AGBL4: variants seen among roughly 807,000 people sequenced by gnomAD.
AGBL4 encodes AGBL carboxypeptidase 4.
Under a neutral mutation model 66.4 loss-of-function variants are expected in AGBL4, and 58 were observed. The ratio of observed to expected loss-of-function variants is 0.87; its 90% CI spans 0.71 to 1.09. The LOEUF is 1.09. Among genes scored for constraint, AGBL4 ranks in the 50% least tolerant of loss-of-function variants. The pLI is 0.00. For synonymous variants in AGBL4, 234 were observed against 222.9 expected (o/e 1.05, Z -0.44); for missense variants, 579 against 631.0 (o/e 0.92, Z 0.88).
At chr1:49,394,147 T>C (rs1266906682) in intron 3 of AGBL4, among the ~76,000 whole-genome samples, 1 of 151,964 alleles carries the variant, frequency 6.6e-6, no homozygotes, top group Middle Eastern at 3.2e-3. Flanking sequence ...CTCTGAGAAT[T>C]GCAGCTGAAA....
intron 6 of AGBL4, among the ~76,000 whole-genome samples, chr1:48,717,110 C>T (rs1016300481): frequency 6.6e-6 from 1 of 152,246 alleles, no homozygotes; most frequent in African/African-American, 2.4e-5. Context: ...CATCCCCACA[C>T]ACCCGGTACC....
At chr1:49,575,807 G>A (rs868155382) in intron 3 of AGBL4, among the ~76,000 whole-genome samples, 1 of 152,180 alleles carries the variant, frequency 6.6e-6, no homozygotes, top group Non-Finnish European at 1.5e-5. Flanking sequence ...TGCAAGGCCA[G>A]CAATATAACT....
intron 2 of AGBL4, among the ~76,000 whole-genome samples, chr1:49,745,371 A>G (rs1036137898): frequency 3.3e-5 from 5 of 151,708 alleles, no homozygotes; most frequent in Non-Finnish European, 5.9e-5. Context: ...AACTTTTATT[A>G]TATTATTACA....
At chr1:48,900,491 T>C (rs1651978213) in intron 5 of AGBL4, among the ~76,000 whole-genome samples, 2 of 152,238 alleles carry the variant, frequency 1.3e-5, no homozygotes, top group Non-Finnish European at 2.9e-5. Context: ...TAAAGACTTA[T>C]TATAAACCTA....
chr1:48,990,726 G>C (rs945029508), intron 5 of AGBL4, among the ~76,000 whole-genome samples: 2 of 151,554 alleles, frequency 1.3e-5, no homozygotes, highest in African/African-American at 4.9e-5. Context: ...TTCTTTTTGT[G>C]TATCCGTTGC....
intron 8 of AGBL4, chr1:48,647,524 A>G (rs1187152374): frequency 2.7e-6 from 1 of 370,566 alleles, no homozygotes; most frequent in Non-Finnish European, 5.5e-6. Flanking sequence ...GCCCAGAAAC[A>G]TAAATAAAAC....
chr1:49,718,206 CT>C (rs1571397667), intron 2 of AGBL4, among the ~76,000 whole-genome samples: 2 of 152,022 alleles, frequency 1.3e-5, no homozygotes, highest in African/African-American at 4.8e-5. Context: ...GCATTATCCC[CT>C]TGGTGAGAAG....
intron 5 of AGBL4, among the ~76,000 whole-genome samples, chr1:48,921,064 A>C (rs1654034583): frequency 1.3e-5 from 2 of 152,190 alleles, no homozygotes; most frequent in South Asian, 4.1e-4. Context: ...GCATCCATTT[A>C]GCTGATGTAT....
chr1:48,634,499 G>T lies in AGBL4; in HGVS notation c.945C>A (p.Asn315Lys). The T allele has an allele frequency of 6.3e-7, 1 of 1,596,516 alleles. No individual in the cohort carries two copies. The highest frequency in any genetic ancestry group is 8.5e-7 in the Non-Finnish European group (1 of 1,170,782). ...GVKQLIVQMY[N>K]DPKTSLEFYI... The stretch of plus-strand genomic sequence containing the variant: ...AGGGCATTCAGTTACTTACTGGGTC[G>T]TTGTACATCTGGACGATGAGTTGTT... The change falls in exon 9 of 14, where the codon AAC (asparagine) becomes AAA (lysine). Residue 315 changes from asparagine to lysine, a missense_variant. Asn to Lys is a moderately conservative substitution (Grantham distance 94). Coordinates refer to ENST00000371839, the MANE Select transcript of AGBL4 (RefSeq NM_032785.4).
chr1:49,305,073 T>C (rs941413066), intron 3 of AGBL4, among the ~76,000 whole-genome samples: 4 of 152,174 alleles, frequency 2.6e-5, no homozygotes, highest in Non-Finnish European at 4.4e-5. Flanking sequence ...GCCAGAGAGG[T>C]TAAATAACTA....
At chr1:49,268,844 C>T (rs1017240891) in intron 3 of AGBL4, among the ~76,000 whole-genome samples, 1 of 152,132 alleles carries the variant, frequency 6.6e-6, no homozygotes, top group African/African-American at 2.4e-5. Context: ...ATCATATGTG[C>T]TAGACTGAAA....
chr1:49,557,151 C>G (rs753161276), intron 3 of AGBL4, among the ~76,000 whole-genome samples: 4 of 152,060 alleles, frequency 2.6e-5, no homozygotes, highest in Non-Finnish European at 5.9e-5. Flanking sequence ...CAGAGAAGGT[C>G]TCCCACAGTG....
intron 6 of AGBL4, among the ~76,000 whole-genome samples, chr1:48,685,692 C>A (rs978047034): frequency 4.6e-5 from 7 of 152,294 alleles, no homozygotes; most frequent in Middle Eastern, 3.4e-3. Flanking sequence ...GAAGAACTAG[C>A]CCACGGCCTG....
At chr1:49,021,410 T>A (rs943812648) in intron 5 of AGBL4, among the ~76,000 whole-genome samples, 3 of 152,156 alleles carry the variant, frequency 2.0e-5, no homozygotes, top group African/African-American at 7.2e-5. Context: ...ATCCCCAATG[T>A]ATTGTTATTT....
chr1:49,896,882 G>T (rs1388476664), intron 1 of AGBL4, among the ~76,000 whole-genome samples: 1 of 151,854 alleles, frequency 6.6e-6, no homozygotes, highest in African/African-American at 2.4e-5. Flanking sequence ...AATTGATGCT[G>T]AAAAGGCATT....
rs1646583729 is a variant in AGBL4 at position 49,861,991 on chromosome 1, C to A, written c.35-10473G>T. Among the ~76,000 whole-genome samples the A allele has an allele frequency of 4.6e-5, 7 of 152,256 alleles. 1 individual carries two copies. In the South Asian group the frequency reaches 1.5e-3, roughly 32 times the overall value. ...TCTTCAATGCCCAGACACCAAAAAA[C>A]ATCTACTAGCATCAAAACCACCCAC... On this transcript the variant is annotated intron_variant, in intron 1 of 13. Transcript: ENST00000371839.
intron 5 of AGBL4, among the ~76,000 whole-genome samples, chr1:48,957,646 C>T (rs1481301907): frequency 6.6e-6 from 1 of 152,218 alleles, no homozygotes; most frequent in Non-Finnish European, 1.5e-5. Flanking sequence ...TGTCCCACAG[C>T]TGCTTCTCTT....
chr1:49,989,048 TGA>T (rs1659725338), intron 1 of AGBL4, among the ~76,000 whole-genome samples: 1 of 152,160 alleles, frequency 6.6e-6, no homozygotes, highest in African/African-American at 2.4e-5. Context: ...AAGAGAAGAA[TGA>T]GACTCAGTGA....
At position 48,730,885 on chromosome 1, in the gene AGBL4, T is replaced by G. The variant is rs547173419; in HGVS notation, c.635-67644A>C. Reference sequence around the variant, plus strand: ...AACTCAGACACTCCACAAAAGGTCATTTGACCTTAATAGGTTTAACTGTCA... The same window carrying G: ...AACTCAGACACTCCACAAAAGGTCAGTTGACCTTAATAGGTTTAACTGTCA... On this transcript the variant is annotated intron_variant, in intron 6 of 13. Coordinates refer to ENST00000371839, the MANE Select transcript of AGBL4 (RefSeq NM_032785.4). 3.3e-5 allele frequency among the ~76,000 whole-genome samples: 5 copies of G among 152,344 alleles called. No individual in the cohort carries two copies. The East Asian group carries it at 9.6e-4, about 29-fold the overall frequency.
Sources: allele counts gnomAD v4.1 joint callset (sites outside exome capture counted in the v4.1 genomes callset), GRCh38; gene constraint gnomAD v4.1.1; transcripts MANE v1.5; gene names NCBI Gene and HGNC (gene_info 2026-07-23, HGNC 2026-07-21).